The following DNAL1 variants were observed in gnomAD, a reference collection of about 807,000 sequenced individuals.
DNAL1 encodes the protein dynein axonemal light chain 1, also known as chromosome 14 open reading frame 168.
Under a neutral mutation model 29.4 loss-of-function variants are expected in DNAL1, and 17 were observed. The observed-to-expected ratio is 0.58, with a 90% CI of 0.40 to 0.87. The LOEUF (loss-of-function observed/expected upper bound fraction) is 0.87, where lower values mean the gene tolerates loss of function less well. DNAL1 is among the 40% of genes least tolerant of loss of function. The pLI, the probability that DNAL1 is intolerant of heterozygous loss-of-function variation, is 0.00. For missense variants in DNAL1, 188 were observed against 214.1 expected (o/e 0.88, Z 0.76); for synonymous variants, 78 against 76.3 (o/e 1.02, Z -0.12).
At chr14:73,692,229 C>A (rs1892193028) in intron 7 of DNAL1, among the ~76,000 whole-genome samples, 1 of 152,098 alleles carries the variant, frequency 6.6e-6, no homozygotes, top group South Asian at 2.1e-4. Context: ...TGTGTGTAAT[C>A]CCAGCACTTT....
chr14:73,645,147 GAGCCGGT>G (rs969989509), intron 1 of DNAL1, 105 bp downstream of exon 1: 2 of 1,544,206 alleles, frequency 1.3e-6, no homozygotes, highest in African/African-American at 2.7e-5. Flanking sequence ...CAGCGGAAGG[GAGCCGGT>G]AGCTGACGCT....
chr14:73,685,856 C>T (rs944239172), intron 5 of DNAL1, among the ~76,000 whole-genome samples: 1 of 152,098 alleles, frequency 6.6e-6, no homozygotes, highest in African/African-American at 2.4e-5. Flanking sequence ...TGGGTCACGT[C>T]CATCTTTTGG....
intron 4 of DNAL1, among the ~76,000 whole-genome samples, chr14:73,670,768 G>A (rs563763250): frequency 3.4e-5 from 5 of 148,340 alleles, no homozygotes; most frequent in East Asian, 2.0e-4. Flanking sequence ...ATGGATTCTC[G>A]CTCTGTCGCC....
chr14:73,682,954 G>A lies in DNAL1; in HGVS notation c.265-4305G>A, dbSNP rs564632246. The stretch of plus-strand genomic sequence containing the variant: ...TGCAATGGCACAATCTCGGCTCACC[G>A]CAACCTCCACCTCCTGGGTTCAAGC... On this transcript the variant is annotated intron_variant, in intron 5 of 7. Coordinates refer to ENST00000553645, the MANE Select transcript of DNAL1 (RefSeq NM_031427.4). Among the ~76,000 whole-genome samples, 11 of 139,318 alleles carry A rather than the reference G, an allele frequency of 7.9e-5. No individual in the cohort carries two copies. In the South Asian group the frequency reaches 2.1e-3, roughly 27 times the overall value. The allele number at this position is 139,318 out of a possible 152,430, so 91.4% of individuals were successfully genotyped here.
chr14:73,674,903 G>A (rs1296171111), intron 5 of DNAL1, among the ~76,000 whole-genome samples: 1 of 151,350 alleles, frequency 6.6e-6, no homozygotes, highest in Non-Finnish European at 1.5e-5. Flanking sequence ...CCAGGCTGGA[G>A]TGTCTCCTGG....
In DNAL1 at chr14:73,677,342, C is replaced by CT. The variant is rs1156956986; in HGVS notation, c.264+5755dup. ...AGTCTGGTGGTGGTGTTGATTTTTTCTTTTTTTTTTAGAGGCAGGGTCTCG... is the reference window on the plus strand; with the variant it reads ...AGTCTGGTGGTGGTGTTGATTTTTTCTTTTTTTTTTTAGAGGCAGGGTCTCG... On this transcript the variant is annotated intron_variant, in intron 5 of 7. Transcript: ENST00000553645. Among the ~76,000 whole-genome samples the CT allele has an allele frequency of 8.7e-3, 1,258 of 145,390 alleles. 23 individuals are homozygous for CT. Among genetic ancestry groups the CT allele is most frequent in the African/African-American group, 0.029 (1,148 of 39,870 alleles).
intron 5 of DNAL1, among the ~76,000 whole-genome samples, chr14:73,673,306 A>G (rs1007172323): frequency 4.6e-5 from 7 of 152,194 alleles, no homozygotes; most frequent in Admixed American, 2.0e-4. Context: ...AATATACTTG[A>G]TGTTCCCCCA....
chr14:73,663,971 T>A (rs1891416408), intron 4 of DNAL1, among the ~76,000 whole-genome samples: 1 of 152,246 alleles, frequency 6.6e-6, no homozygotes, highest in Middle Eastern at 3.2e-3. Flanking sequence ...GCACTGCTTC[T>A]CTTCTTTGTA....
intron 5 of DNAL1, among the ~76,000 whole-genome samples, chr14:73,681,634 AT>A (rs1338464513): frequency 2.8e-4 from 6 of 21,248 alleles, no homozygotes; most frequent in Admixed American, 7.4e-4. Context: ...AAAAAAAAAA[AT>A]ATATATATAT....
chr14:73,671,903 C>T (rs1391730024), intron 5 of DNAL1, among the ~76,000 whole-genome samples: 1 of 152,132 alleles, frequency 6.6e-6, no homozygotes, highest in Non-Finnish European at 1.5e-5. Flanking sequence ...GGAACAATAA[C>T]GTAAAACTAG....
chr14:73,671,646 A>G (rs776725380), intron 5 of DNAL1, 49 bp downstream of exon 5: 9 of 1,361,586 alleles, frequency 6.6e-6, no homozygotes, highest in South Asian at 5.0e-5. Context: ...GCACACATCT[A>G]TGAATAATTT....
At chr14:73,652,368 C>T (rs1197799684) in intron 1 of DNAL1, among the ~76,000 whole-genome samples, 1 of 152,144 alleles carries the variant, frequency 6.6e-6, no homozygotes, top group Non-Finnish European at 1.5e-5. Flanking sequence ...GTCAAATGAT[C>T]TTCCCACCTC....
intron 3 of DNAL1, among the ~76,000 whole-genome samples, chr14:73,660,627 C>T (rs1891319704): frequency 6.6e-6 from 1 of 152,142 alleles, no homozygotes; most frequent in Non-Finnish European, 1.5e-5. Context: ...GACTAATATC[C>T]ATCTGTGGGA....
chr14:73,665,373 G>GT (rs1595209352), intron 4 of DNAL1, among the ~76,000 whole-genome samples: 1 of 152,100 alleles, frequency 6.6e-6, no homozygotes, highest in African/African-American at 2.4e-5. Flanking sequence ...CTCTGCCTCA[G>GT]TTTTTTTCTC....
chr14:73,657,982 C>T (rs1726349364), intron 2 of DNAL1, among the ~76,000 whole-genome samples: 1 of 152,216 alleles, frequency 6.6e-6, no homozygotes, highest in Non-Finnish European at 1.5e-5. Context: ...TTCTCCTAGA[C>T]CAATGTCCTG....
rs1241490394 is a variant in DNAL1, at chr14:73,702,571, CAAGTT to C, written c.*6631_*6635del. On this transcript the variant is annotated 3_prime_UTR_variant, in exon 8 of 8. Coordinates refer to ENST00000553645, the MANE Select transcript of DNAL1 (RefSeq NM_031427.4). Reference sequence around the variant, plus strand: ...CTGGAAAGAGTGCTTCCAGGGACAGCAAGTTACTACTGCACTTGACCATTCCTAGT... The same window carrying C: ...CTGGAAAGAGTGCTTCCAGGGACAGCACTACTGCACTTGACCATTCCTAGT... 1.3e-5 allele frequency: 2 copies of C among 151,898 alleles called. No homozygotes were observed. Among genetic ancestry groups the C allele is most frequent in the African/African-American group, 4.8e-5 (2 of 41,348 alleles). The allele number at this position is 151,898 out of a possible 1,614,324, so 9.4% of individuals were successfully genotyped here. A position where few individuals can be genotyped will look rare whatever the true frequency, so the allele number is the denominator to read the frequency against.
At chr14:73,688,642 C>T (rs764607883) in intron 6 of DNAL1, among the ~76,000 whole-genome samples, 44 of 151,984 alleles carry the variant, frequency 2.9e-4, no homozygotes, top group Admixed American at 8.5e-4. Flanking sequence ...AAAAGCAAAA[C>T]TGTGTGATAA....
In DNAL1 at chr14:73,695,957, CTG is replaced by C; in HGVS notation, c.*21_*22del. 1 of 1,580,850 alleles carries C rather than the reference CTG, an allele frequency of 6.3e-7. No individual in the cohort carries two copies. The highest frequency in any genetic ancestry group is 8.6e-7 in the Non-Finnish European group (1 of 1,161,078). On this transcript the variant is annotated 3_prime_UTR_variant, in exon 8 of 8. Transcript: ENST00000553645. The stretch of plus-strand genomic sequence containing the variant: ...AAGACAACTAATGCCACGCTTTCCA[CTG>C]TGTGTTAACTTATTTAAATGTCATA...
intron 7 of DNAL1, among the ~76,000 whole-genome samples, chr14:73,690,788 G>A (rs1336005693): frequency 1.3e-5 from 2 of 152,016 alleles, no homozygotes; most frequent in Non-Finnish European, 1.5e-5. Flanking sequence ...AATAAAGAAA[G>A]TTAGGCTTAT....
Sources: gnomAD v4.1 joint callset for allele counts (sites outside exome capture counted in the v4.1 genomes callset) on GRCh38, gnomAD v4.1.1 for gene constraint, MANE v1.5 for transcripts, NCBI Gene and HGNC (gene_info 2026-07-23, HGNC 2026-07-21) for gene names.